The following NOC2L variants were observed in gnomAD, a reference collection of about 807,000 sequenced individuals.
NOC2L encodes nucleolar complex protein 2 homolog.
Under a neutral mutation model 94.2 loss-of-function variants are expected in NOC2L, and 101 were observed. The observed-to-expected ratio is 1.07, with a 90% CI of 0.91 to 1.26. The LOEUF (loss-of-function observed/expected upper bound fraction) is 1.26. Among genes scored for constraint, NOC2L ranks in the 50% most tolerant of loss-of-function variants. The pLI is 0.00. For missense variants in NOC2L, 1,076 were observed against 980.1 expected, an observed-to-expected ratio of 1.10 and a Z score of -1.31; for synonymous variants, 531 against 413.4, an observed-to-expected ratio of 1.28 and a Z score of -3.45.
chr1:953,315 GC>G (rs753202887), intron 8 of NOC2L, 27 bp from the exon 9 acceptor site: 14 of 1,366,856 alleles, frequency 1.0e-5, no homozygotes, highest in Non-Finnish European at 1.3e-5. Context: ...GTCACTGGTG[GC>G]CCCCCAGCCT....
rs114938545 is a variant in NOC2L, at chr1:951,112, C to T, written c.1443+15G>A. ...GCAGGCAGAGGTGCCACACGCCCAC[C>T]ACAGCCTCACTCACCTCCAGGATGA... On this transcript the variant is annotated intron_variant, in intron 12 of 18. Transcript: ENST00000327044. 13,533 of 1,554,040 alleles carry T rather than the reference C, an allele frequency of 8.7e-3. 285 individuals are homozygous for T. Among genetic ancestry groups the T allele is most frequent in the African/African-American group, 0.082 (6,039 of 73,462 alleles).
Position 953,293 on chromosome 1 carries a change from A to G in NOC2L, c.889-5T>C, listed in dbSNP as rs2100390721. On this transcript the variant is annotated splice_region_variant and splice_polypyrimidine_tract_variant and intron_variant, in intron 8 of 18. Coordinates refer to ENST00000327044, the MANE Select transcript of NOC2L (RefSeq NM_015658.4). ...GCTCCATACGATCACCATTCTCTGC[A>G]GAAGGTCAGACGTCACTGGTGGCCC... 2.0e-6 allele frequency: 3 copies of G among 1,531,048 alleles called. No homozygotes were observed. The East Asian group carries it at 6.8e-5, about 34-fold the overall frequency. 94.8% of individuals were successfully genotyped at this position (1,531,048 alleles called of 1,614,324 possible). A position where few individuals can be genotyped will look rare whatever the true frequency, so the allele number is the denominator to read the frequency against.
At chr1:949,934 G>C (rs1282340266) in intron 12 of NOC2L, among the ~76,000 whole-genome samples, 1 of 152,228 alleles carries the variant, frequency 6.6e-6, no homozygotes, top group Non-Finnish European at 1.5e-5. Flanking sequence ...TCATGAGGCT[G>C]AGAACTCATT....
chr1:946,603 C>T (rs1642125047), intron 14 of NOC2L, 58 bp from the exon 15 acceptor site: 1 of 1,581,862 alleles, frequency 6.3e-7, no homozygotes, highest in East Asian at 2.3e-5. Context: ...GCACAGCTGG[C>T]CCAGGTCCTG....
chr1:944,990 C>T (rs1642054108), intron 18 of NOC2L, 67 bp downstream of exon 18: 11 of 1,607,936 alleles, frequency 6.8e-6, no homozygotes, highest in Non-Finnish European at 8.5e-6. Flanking sequence ...GCCCCCCGCC[C>T]ACGTGGCTCT....
At chr1:957,304 G>A (rs780878585) in intron 2 of NOC2L, 31 bp from the exon 3 acceptor site, 3 of 1,608,744 alleles carry the variant, frequency 1.9e-6, no homozygotes, top group East Asian at 2.2e-5. Context: ...GACCCCAGTG[G>A]GAAGTGGAAG....
intron 1 of NOC2L, 29 bp from the exon 2 acceptor site, chr1:959,110 C>G: frequency 6.2e-7 from 1 of 1,610,056 alleles, no homozygotes. Flanking sequence ...TCACAGCTGC[C>G]CGCACGCCCA....
At position 956,925 on chromosome 1, in the gene NOC2L, G is replaced by C. The variant is rs760950940; in HGVS notation, c.455C>G (p.Ala152Gly). Residue 152 changes from alanine (A) to glycine (G), a missense_variant, in exon 4 of 19, where the codon GCC (alanine) becomes GGC (glycine). Physicochemically the swap from Ala to Gly is moderately conservative, Grantham distance 60. Around this residue, in one of 3 missense-constraint regions of NOC2L, gnomAD observed 457 missense variants for 386.0 expected, o/e 1.18. Coordinates refer to ENST00000327044, the MANE Select transcript of NOC2L (RefSeq NM_015658.4). ...GKKNSVPVTV[A>G]MVERWKQAAK... Reference sequence around the variant, plus strand: ...TGCCTGCTTCCATCTCTCAACCATGGCGACGGTCACAGGAACAGAATTCTT... The same window carrying C: ...TGCCTGCTTCCATCTCTCAACCATGCCGACGGTCACAGGAACAGAATTCTT... 30 of 1,613,932 alleles carry C rather than the reference G, an allele frequency of 1.9e-5. No homozygotes were observed. Among genetic ancestry groups the C allele is most frequent in the Non-Finnish European group, 2.5e-5 (29 of 1,180,032 alleles).
At chr1:946,665 C>T in intron 14 of NOC2L, 120 bp from the exon 15 acceptor site, 1 of 1,228,098 alleles carries the variant, frequency 8.1e-7, no homozygotes, top group Non-Finnish European at 1.1e-6. Context: ...GGACATGGAT[C>T]CCATCTCAGG....
chr1:956,885 G>A lies in NOC2L; in HGVS notation c.486+9C>T, dbSNP rs1410001533. ...GGCACCCAGCTGCCCGCCCCTGGCT[G>A]CTGCTCACCTTTGCTGCCTGCTTCC... On this transcript the variant is annotated intron_variant, in intron 4 of 18. Coordinates refer to ENST00000327044, the MANE Select transcript of NOC2L (RefSeq NM_015658.4). 4 of 1,613,252 alleles carry A rather than the reference G, an allele frequency of 2.5e-6. No individual in the cohort carries two copies. Among genetic ancestry groups the A allele is most frequent in the Non-Finnish European group, 3.4e-6 (4 of 1,180,008 alleles).
At position 955,983 on chromosome 1, in the gene NOC2L, C is replaced by T. The variant is rs1241411611; in HGVS notation, c.638G>A (p.Arg213Lys). Reference sequence around the variant, plus strand: ...CTTCTGGAGACAGCCAATGAGGTCTCTGATGCAGAAGGTAACCAGAGCATT... The same window carrying T: ...CTTCTGGAGACAGCCAATGAGGTCTTTGATGCAGAAGGTAACCAGAGCATT... ...AFNALVTFCI[R>K]DLIGCLQKLL... Residue 213 changes from arginine (R) to lysine (K), a missense_variant, in exon 6 of 19, where the codon AGA (arginine) becomes AAA (lysine). Physicochemically the swap from Arg to Lys is conservative, Grantham distance 26. Transcript: ENST00000327044. The T allele has an allele frequency of 6.2e-7, 1 of 1,613,854 alleles. No individual in the cohort carries two copies. The highest frequency in any genetic ancestry group is 1.3e-5 in the African/African-American group (1 of 74,872).
intron 18 of NOC2L, 103 bp from the exon 19 acceptor site, chr1:944,903 CCT>C: frequency 7.3e-7 from 1 of 1,372,364 alleles, no homozygotes; most frequent in South Asian, 1.3e-5. Context: ...TTAATTTATC[CCT>C]GTTGCTGGCT....
At chr1:953,957 C>A (rs751823424) in intron 7 of NOC2L, 47 bp downstream of exon 7, 10 of 1,604,708 alleles carry the variant, frequency 6.2e-6, no homozygotes, top group Non-Finnish European at 8.5e-6. Flanking sequence ...AAAGGACCGA[C>A]CACCAGATAC....
intron 16 of NOC2L, among the ~76,000 whole-genome samples, chr1:945,879 G>C (rs1395163077): frequency 6.6e-6 from 1 of 152,178 alleles, no homozygotes; most frequent in East Asian, 1.9e-4. Flanking sequence ...CCACATACTG[G>C]CCTGGGTGAC....
At chr1:946,378 G>T (rs376379527) in intron 15 of NOC2L, 24 bp downstream of exon 15, 2 of 1,613,444 alleles carry the variant, frequency 1.2e-6, no homozygotes, top group African/African-American at 2.7e-5. Flanking sequence ...CCCTCAGGTG[G>T]CACTACCCCC....
At position 953,246 on chromosome 1, in the gene NOC2L, C is replaced by A. The variant is rs1293190542; in HGVS notation, c.931G>T (p.Val311Leu). The change falls in exon 9 of 19, where the codon GTG (valine) becomes TTG (leucine). Residue 311 changes from valine (V) to leucine (L), a missense_variant. Physicochemically the swap from Val to Leu is conservative, Grantham distance 32. Coordinates refer to ENST00000327044, the MANE Select transcript of NOC2L (RefSeq NM_015658.4). ...CTGCTGAGGACCAGGAAAGCCAGCA[C>A]CCGCAGAGACTCTTCCCCAGTGCTC... ...VWSTGEESLRVLAFLVLSRVC... is the reference protein window; with the variant it reads ...VWSTGEESLRLLAFLVLSRVC... 6.2e-7 allele frequency: 1 copy of A among 1,612,570 alleles called. No individual in the cohort carries two copies.
At position 955,895 on chromosome 1, in the gene NOC2L, TACCCCCCTTC is replaced by T; in HGVS notation, c.698+18_698+27del. ...TGTGGTCCCGACCCACCTTCCACCC[TACCCCCCTTC>T]ACCCCCTCCCCTCTTACCTGCTGCT... On this transcript the variant is annotated intron_variant, in intron 6 of 18. Coordinates refer to ENST00000327044, the MANE Select transcript of NOC2L (RefSeq NM_015658.4). The T allele has an allele frequency of 9.3e-7, 1 of 1,073,100 alleles. No individual in the cohort carries two copies. Among genetic ancestry groups the T allele is most frequent in the Non-Finnish European group, 1.4e-6 (1 of 704,110 alleles). The allele number at this position is 1,073,100 out of a possible 1,614,324, so 66.5% of individuals were successfully genotyped here. A position where few individuals can be genotyped will look rare whatever the true frequency, so the allele number is the denominator to read the frequency against.
intron 2 of NOC2L, 85 bp downstream of exon 2, chr1:958,844 C>T (rs1642496070): frequency 7.0e-7 from 1 of 1,431,656 alleles, no homozygotes. Flanking sequence ...TAGGCCTTGG[C>T]CCTGAGACCC....
intron 10 of NOC2L, 38 bp from the exon 11 acceptor site, chr1:952,177 G>A (rs760223231): frequency 3.1e-6 from 5 of 1,611,326 alleles, no homozygotes; most frequent in Non-Finnish European, 8.5e-7. Flanking sequence ...TGGCCAGGCT[G>A]ACAAGTCAGG....
Sources: allele counts gnomAD v4.1 joint callset (sites outside exome capture counted in the v4.1 genomes callset), GRCh38; gene constraint gnomAD v4.1.1; regional missense constraint gnomAD v4.1.1; transcripts MANE v1.5; gene names NCBI Gene and HGNC (gene_info 2026-07-23, HGNC 2026-07-21).